PCGF6: variants seen among roughly 807,000 people sequenced by gnomAD.
PCGF6 encodes the protein polycomb group ring finger 6, also known as polycomb group RING finger protein 6.
A neutral mutation model predicts 45.5 loss-of-function variants in PCGF6; 24 were observed. The observed-to-expected ratio is 0.53, with a 90% CI of 0.38 to 0.74. The LOEUF is 0.74. Ranked by LOEUF, PCGF6 falls within the 30% of genes least tolerant of loss-of-function variation. PCGF6 has a pLI of 0.00. For missense variants in PCGF6, 356 were observed against 443.2 expected, an observed-to-expected ratio of 0.80 and a Z score of 1.77; for synonymous variants, 152 against 162.1, an observed-to-expected ratio of 0.94 and a Z score of 0.47.
At chr10:103,335,827 T>C (rs11191657) in intron 6 of PCGF6, among the ~76,000 whole-genome samples, 69,177 of 151,506 alleles carry the variant, frequency 0.46, 15,928 homozygotes, top group South Asian at 0.64. Context: ...ATTAGCTGGG[T>C]GTGGTGGCGC....
At chr10:103,346,620 C>T (rs1258274834) in intron 5 of PCGF6, among the ~76,000 whole-genome samples, 1 of 151,836 alleles carries the variant, frequency 6.6e-6, no homozygotes, top group Non-Finnish European at 1.5e-5. Flanking sequence ...AAAAAATAAT[C>T]ATAATAAATA....
intron 3 of PCGF6, among the ~76,000 whole-genome samples, chr10:103,347,765 T>C (rs1002104664): frequency 6.6e-6 from 1 of 152,158 alleles, no homozygotes; most frequent in Non-Finnish European, 1.5e-5. Flanking sequence ...CATGGCTCAC[T>C]GCAGCCTCCA....
At chr10:103,305,825 G>A (rs1271449163) in intron 9 of PCGF6, among the ~76,000 whole-genome samples, 1 of 151,602 alleles carries the variant, frequency 6.6e-6, no homozygotes, top group East Asian at 1.9e-4. Flanking sequence ...AGGTGGGCAG[G>A]TCACTTGAGA....
chr10:103,309,478 A>G (rs2093149022), intron 9 of PCGF6, among the ~76,000 whole-genome samples: 1 of 152,150 alleles, frequency 6.6e-6, no homozygotes, highest in Admixed American at 6.6e-5. Context: ...TTCAGCCATG[A>G]TTGGAAGCTA....
rs2133548213 is a variant in PCGF6, at chr10:103,303,028, CTTATTCTTTA to C, written c.*867_*876del. 6.5e-6 allele frequency: 1 copy of C among 152,680 alleles called. No individual in the cohort carries two copies. Among genetic ancestry groups the C allele is most frequent in the South Asian group, 2.1e-4 (1 of 4,828 alleles). The allele number at this position is 152,680 out of a possible 1,614,324, so 9.5% of individuals were successfully genotyped here. A position where few individuals can be genotyped will look rare whatever the true frequency, so the allele number is the denominator to read the frequency against. ...TTGCATGGAGGTGAGCTCAAACACC[CTTATTCTTTA>C]TTGCAGTGATGAAATAATGAGAAAA... On this transcript the variant is annotated 3_prime_UTR_variant, in exon 10 of 10. Coordinates refer to ENST00000369847, the MANE Select transcript of PCGF6 (RefSeq NM_001011663.2).
chr10:103,315,258 T>TCATTG (rs1476912970), intron 8 of PCGF6, among the ~76,000 whole-genome samples: 12 of 152,142 alleles, frequency 7.9e-5, no homozygotes, highest in African/African-American at 2.9e-4. Flanking sequence ...CAATCATAGC[T>TCATTG]CATTGCAGCC....
chr10:103,331,438 AATAGAG>A (rs1393604167), intron 7 of PCGF6, among the ~76,000 whole-genome samples: 12 of 151,870 alleles, frequency 7.9e-5, no homozygotes, highest in Non-Finnish European at 1.5e-4. Context: ...TTGTATTTTT[AATAGAG>A]ATAGAGTTTT....
At position 103,331,944 on chromosome 10, in the gene PCGF6, C is replaced by A. The variant is rs918455997; in HGVS notation, c.810+1981G>T. Among the ~76,000 whole-genome samples the A allele has an allele frequency of 2.0e-5, 3 of 152,186 alleles. No individual in the cohort carries two copies. In the East Asian group the frequency reaches 5.8e-4, roughly 29 times the overall value. On this transcript the variant is annotated intron_variant, in intron 7 of 9. Coordinates refer to ENST00000369847, the MANE Select transcript of PCGF6 (RefSeq NM_001011663.2). ...GGTAGCTGGGACAACAGGCACGCGC[C>A]ACCGCGCCTGGCTAATTTTTTTTGT... is the stretch of plus-strand genomic sequence containing the variant.
At chr10:103,339,811 ACACACACACACACACACACACACACAC>A (rs2093272976) in intron 6 of PCGF6, among the ~76,000 whole-genome samples, 3 of 45,006 alleles carry the variant, frequency 6.7e-5, no homozygotes, top group African/African-American at 2.8e-4. Flanking sequence ...CAAAAAAAAA[ACACACACACACACACACACACACACAC>A]ACACACACAC....
chr10:103,314,793 T>C (rs978997932), intron 8 of PCGF6, among the ~76,000 whole-genome samples: 1 of 150,950 alleles, frequency 6.6e-6, no homozygotes, highest in African/African-American at 2.4e-5. Context: ...CTACTAAAAA[T>C]ACAAAAACTA....
At chr10:103,315,735 A>G (rs1462815331) in intron 8 of PCGF6, among the ~76,000 whole-genome samples, 1 of 152,056 alleles carries the variant, frequency 6.6e-6, no homozygotes, top group Non-Finnish European at 1.5e-5. Flanking sequence ...TCAAACTCCT[A>G]GTCGTAAGTG....
In PCGF6 at chr10:103,350,701, A is replaced by C. The variant is rs1315525241; in HGVS notation, c.360+6T>G. 6.7e-7 allele frequency: 1 copy of C among 1,498,532 alleles called. No homozygotes were observed. Among genetic ancestry groups the C allele is most frequent in the Non-Finnish European group, 8.9e-7 (1 of 1,119,988 alleles). 92.8% of individuals were successfully genotyped at this position (1,498,532 alleles called of 1,614,324 possible). Reference sequence around the variant, plus strand: ...CCCAGCGGGGTCGCGCGGGGGCTCTAAATACCTCCTCCTCGTCCTCCGAGT... The same window carrying C: ...CCCAGCGGGGTCGCGCGGGGGCTCTCAATACCTCCTCCTCGTCCTCCGAGT... On this transcript the variant is annotated splice_donor_region_variant and intron_variant, in intron 1 of 9. Transcript: ENST00000369847.
rs1205112145 is a variant in PCGF6, at chr10:103,347,259, CTCTT to C, written c.648_651del (p.Arg217ValfsTer2). Reference sequence around the variant, plus strand: ...TTACCAGGTTTAGGTACTTCTAGACCTCTTTCTTTATAGAAATCATGCATTTGCT... The same window carrying C: ...TTACCAGGTTTAGGTACTTCTAGACCTCTTTATAGAAATCATGCATTTGCT... On this transcript the variant is annotated frameshift_variant, in exon 5 of 10. Transcript: ENST00000369847. LOFTEE classifies it high-confidence loss of function. 8 of 1,608,088 alleles carry C rather than the reference CTCTT, an allele frequency of 5.0e-6. No individual in the cohort carries two copies. The highest frequency in any genetic ancestry group is 2.2e-5 in the East Asian group (1 of 44,748).
intron 1 of PCGF6, among the ~76,000 whole-genome samples, 188 bp downstream of exon 1, chr10:103,350,519 C>T (rs1458381918): frequency 6.6e-6 from 1 of 152,194 alleles, no homozygotes; most frequent in African/African-American, 2.4e-5. Flanking sequence ...CGGGTAAAGA[C>T]CCAGGCCGGG....
In PCGF6 at chr10:103,341,664, G is replaced by A. The variant is rs191293251; in HGVS notation, c.782+3360C>T. ...TCACCATATTGGCCAGGCTGGTCTC[G>A]AACTCTTGATGTCAAGTAATCTGCC... is the stretch of plus-strand genomic sequence containing the variant. On this transcript the variant is annotated intron_variant, in intron 6 of 9. Coordinates refer to ENST00000369847, the MANE Select transcript of PCGF6 (RefSeq NM_001011663.2). Among the ~76,000 whole-genome samples, 104 of 149,812 alleles carry A rather than the reference G, an allele frequency of 6.9e-4. 1 individual carries two copies. Among genetic ancestry groups the A allele is most frequent in the Admixed American group, 6.7e-3 (100 of 14,944 alleles).
At chr10:103,305,442 C>T (rs562751213) in intron 9 of PCGF6, among the ~76,000 whole-genome samples, 45 of 151,942 alleles carry the variant, frequency 3.0e-4, no homozygotes, top group African/African-American at 9.9e-4. Context: ...GGCTAATTTT[C>T]GTAATTTTAG....
chr10:103,327,024 C>A (rs190936826), intron 7 of PCGF6, among the ~76,000 whole-genome samples: 12 of 152,266 alleles, frequency 7.9e-5, no homozygotes, highest in African/African-American at 2.9e-4. Context: ...TGGTGGCTCA[C>A]GCCTGCAATC....
intron 7 of PCGF6, among the ~76,000 whole-genome samples, chr10:103,326,845 T>C (rs986722568): frequency 1.3e-5 from 2 of 152,198 alleles, no homozygotes. Context: ...TTCTGAAAAG[T>C]ATGTCAACAA....
In PCGF6 at chr10:103,345,392, T is replaced by C. The variant is rs149093167; in HGVS notation, c.674-260A>G. ...GAGAGAGCTCATTAGAACAGCAACA[T>C]GTGTAGACAACCCTGCATAAGCACT... On this transcript the variant is annotated intron_variant, in intron 5 of 9. Coordinates refer to ENST00000369847, the MANE Select transcript of PCGF6 (RefSeq NM_001011663.2). 3.6e-3 allele frequency among the ~76,000 whole-genome samples: 547 copies of C among 152,236 alleles called. 4 individuals carry two copies. Among genetic ancestry groups the C allele is most frequent in the African/African-American group, 0.013 (528 of 41,556 alleles).
Sources: allele counts gnomAD v4.1 joint callset (sites outside exome capture counted in the v4.1 genomes callset), GRCh38; gene constraint gnomAD v4.1.1; transcripts MANE v1.5; gene names NCBI Gene and HGNC (gene_info 2026-07-23, HGNC 2026-07-21).